WDR1: variants seen among roughly 807,000 people sequenced by gnomAD.
WDR1 encodes the protein WD repeat domain 1, also known as WD repeat-containing protein 1.
A neutral mutation model predicts 71.9 loss-of-function variants in WDR1; 21 were observed. The observed-to-expected ratio is 0.29, with a 90% confidence interval of 0.21 to 0.42. WDR1 has a LOEUF of 0.42. WDR1 is among the 10% of genes least tolerant of loss of function. The pLI is 1.00. For synonymous variants in WDR1, 424 were observed against 347.4 expected (o/e 1.22, Z -2.45); for missense variants, 696 against 824.5 (o/e 0.84, Z 1.91).
Position 10,088,632 on chromosome 4 carries a change from T to C in WDR1, c.636+32A>G, listed in dbSNP as rs772536452. On this transcript the variant is annotated intron_variant, in intron 6 of 14. Coordinates refer to ENST00000499869, the MANE Select transcript of WDR1 (RefSeq NM_017491.5). ...GTCACGGGAGCAGGCAGACAAGCCA[T>C]TCCCCACCCCAAAACCCATCCCAGT... 55 of 1,562,340 alleles carry C rather than the reference T, an allele frequency of 3.5e-5. 1 individual carries two copies. The South Asian group carries it at 5.6e-4, about 16-fold the overall frequency.
intron 9 of WDR1, among the ~76,000 whole-genome samples, chr4:10,084,175 T>G (rs1350013966): frequency 6.6e-6 from 1 of 152,212 alleles, no homozygotes; most frequent in Non-Finnish European, 1.5e-5. Context: ...CTCTCAGGGT[T>G]GCACGACAAG....
chr4:10,077,120 T>G, intron 14 of WDR1, 184 bp downstream of exon 14: 1 of 882,592 alleles, frequency 1.1e-6, no homozygotes. Context: ...GGTCCCTCAG[T>G]ACGGCCAGCA....
intron 2 of WDR1, among the ~76,000 whole-genome samples, chr4:10,104,297 C>T (rs972627977): frequency 2.0e-5 from 3 of 152,162 alleles, no homozygotes; most frequent in African/African-American, 7.2e-5. Context: ...GAAACAGATA[C>T]ACAAAAGGTG....
chr4:10,108,157 T>C (rs1713128314), intron 2 of WDR1: 1 of 152,214 alleles, frequency 6.6e-6, no homozygotes, highest in Non-Finnish European at 1.5e-5. Context: ...CGTAACTCTG[T>C]TATGCCCCAG....
intron 11 of WDR1, among the ~76,000 whole-genome samples, chr4:10,079,959 C>T (rs954377056): frequency 6.6e-6 from 1 of 150,716 alleles, no homozygotes; most frequent in Non-Finnish European, 1.5e-5. Flanking sequence ...ATCCCAGGCC[C>T]CTCCTAGCAC....
chr4:10,092,492 C>CGTGT, intron 5 of WDR1: 1 of 153,556 alleles, frequency 6.5e-6, no homozygotes, highest in Non-Finnish European at 1.5e-5. Context: ...ACGCCTCCCA[C>CGTGT]AGGCTCTGGC....
intron 11 of WDR1, among the ~76,000 whole-genome samples, chr4:10,080,392 T>C (rs1019986514): frequency 6.6e-5 from 10 of 152,140 alleles, no homozygotes; most frequent in African/African-American, 2.4e-4. Context: ...CTTTGTAGCG[T>C]TTCCCCCAGG....
intron 11 of WDR1, among the ~76,000 whole-genome samples, chr4:10,080,130 C>T (rs12640847): frequency 0.25 from 37,767 of 152,096 alleles, 4,997 homozygotes; most frequent in South Asian, 0.44. Flanking sequence ...CACCACAACC[C>T]TACCGGGGTC....
At chr4:10,084,849 T>A (rs56402960) in intron 8 of WDR1, among the ~76,000 whole-genome samples, 22,032 of 152,198 alleles carry the variant, frequency 0.14, 2,031 homozygotes, top group Non-Finnish European at 0.21. Context: ...GCACCTAACG[T>A]GTGCAGACAC....
At position 10,083,032 on chromosome 4, in the gene WDR1, G is replaced by A. The variant is rs763061734; in HGVS notation, c.1186C>T (p.Arg396Trp). 7.4e-6 allele frequency: 12 copies of A among 1,612,144 alleles called. No homozygotes were observed. Among genetic ancestry groups the A allele is most frequent in the Non-Finnish European group, 8.5e-6 (10 of 1,178,866 alleles). ...CCCGAGTGCTCTCACCTGTAGTCCC[G>A]CAGCATGAGGCTGGTGTACCGCACG... ...DTVRYTSLMLRDYSGQGVVKL... is the reference protein window; with the variant it reads ...DTVRYTSLMLWDYSGQGVVKL... The change falls in exon 10 of 15, where the codon CGG becomes TGG. Residue 396 changes from arginine to tryptophan, a missense_variant. Physicochemically the swap from Arg to Trp is moderately radical, Grantham distance 101 (BLOSUM62 -3). Coordinates refer to ENST00000499869, the MANE Select transcript of WDR1 (RefSeq NM_017491.5).
chr4:10,092,736 C>A (rs1183662621), intron 5 of WDR1: 2 of 268,352 alleles, frequency 7.5e-6, no homozygotes, highest in African/African-American at 2.2e-5. Flanking sequence ...CTAAAAATAG[C>A]CCTTTCCACA....
intron 3 of WDR1, among the ~76,000 whole-genome samples, chr4:10,102,855 G>A (rs1712763507): frequency 6.6e-6 from 1 of 152,286 alleles, no homozygotes; most frequent in African/African-American, 2.4e-5. Context: ...AGAGGCTGAT[G>A]AGGCCCACAT....
At chr4:10,084,245 C>T (rs1765123378) in intron 9 of WDR1, among the ~76,000 whole-genome samples, 198 bp downstream of exon 9, 1 of 152,096 alleles carries the variant, frequency 6.6e-6, no homozygotes, top group African/African-American at 2.4e-5. Flanking sequence ...CCTGGAGTTG[C>T]CAAGGACAAC....
chr4:10,097,911 TG>T lies in WDR1; in HGVS notation c.378-21del. 7 of 1,291,954 alleles carry T rather than the reference TG, an allele frequency of 5.4e-6. No homozygotes were observed. Among genetic ancestry groups the T allele is most frequent in the Admixed American group, 4.0e-5 (1 of 24,808 alleles). The allele number at this position is 1,291,954 out of a possible 1,614,324, so 80.0% of individuals were successfully genotyped here. A position where few individuals can be genotyped will look rare whatever the true frequency, so the allele number is the denominator to read the frequency against. On this transcript the variant is annotated intron_variant, in intron 4 of 14. Coordinates refer to ENST00000499869, the MANE Select transcript of WDR1 (RefSeq NM_017491.5). Reference sequence around the variant, plus strand: ...CCAAACCTTGACCCAATGACACAGGTGGAAGACAAAAAAAAAAAAAAAAAAT... The same window carrying T: ...CCAAACCTTGACCCAATGACACAGGTGAAGACAAAAAAAAAAAAAAAAAAT...
chr4:10,116,605 G>C (rs757343327), intron 1 of WDR1, 46 bp downstream of exon 1: 4 of 1,184,232 alleles, frequency 3.4e-6, no homozygotes, highest in Non-Finnish European at 4.2e-6. Flanking sequence ...GACCGGGGCC[G>C]GGGCAGCGCG....
At chr4:10,110,232 G>A (rs893587600) in intron 2 of WDR1, among the ~76,000 whole-genome samples, 1 of 152,160 alleles carries the variant, frequency 6.6e-6, no homozygotes, top group East Asian at 1.9e-4. Context: ...GGGAGTGCCT[G>A]CCCATCACTG....
At chr4:10,091,154 A>G (rs1331799019) in intron 5 of WDR1, among the ~76,000 whole-genome samples, 2 of 152,258 alleles carry the variant, frequency 1.3e-5, no homozygotes, top group Non-Finnish European at 2.9e-5. Flanking sequence ...AACGGGGAAC[A>G]CAGGACTGGA....
At chr4:10,080,406 C>A (rs999922287) in intron 11 of WDR1, among the ~76,000 whole-genome samples, 1 of 152,248 alleles carries the variant, frequency 6.6e-6, no homozygotes, top group African/African-American at 2.4e-5. Context: ...CCCCAGGCCC[C>A]GAGGCGCTCC....
chr4:10,090,170 G>A (rs889620199), intron 5 of WDR1, among the ~76,000 whole-genome samples: 7 of 152,186 alleles, frequency 4.6e-5, no homozygotes, highest in Non-Finnish European at 8.8e-5. Flanking sequence ...GACTTCCAGA[G>A]AATAAATTTC....
Sources: gnomAD v4.1 joint callset for allele counts (sites outside exome capture counted in the v4.1 genomes callset) on GRCh38, gnomAD v4.1.1 for gene constraint, MANE v1.5 for transcripts, NCBI Gene and HGNC (gene_info 2026-07-23, HGNC 2026-07-21) for gene names.